AMZ1: variants seen among roughly 807,000 people sequenced by gnomAD.
AMZ1 encodes archaelysin family metallopeptidase 1.
AMZ1 carries 39 observed loss-of-function variants against 29.9 expected under a neutral mutation model. The ratio of observed to expected loss-of-function variants is 1.30; its 90% CI spans 1.01 to 1.70. AMZ1 has a LOEUF of 1.70. Ranked by LOEUF, AMZ1 falls within the 40% of genes most tolerant of loss-of-function variation. AMZ1 has a pLI of 0.00. For synonymous variants in AMZ1, 458 were observed against 304.0 expected (o/e 1.51, Z -5.27); for missense variants, 1,041 against 680.6 (o/e 1.53, Z -5.89).
Position 2,709,257 on chromosome 7 carries a change from T to A in AMZ1, c.771+13T>A. ...TCAGTGCTGCAAGGTGGGTGGGGGCTCTGGGGCTGGTAAGAGGGGACAGGA... is the reference window on the plus strand; with the variant it reads ...TCAGTGCTGCAAGGTGGGTGGGGGCACTGGGGCTGGTAAGAGGGGACAGGA... On this transcript the variant is annotated intron_variant, in intron 5 of 6. Coordinates refer to ENST00000683327, the MANE Select transcript of AMZ1 (RefSeq NM_001384743.1). The A allele has an allele frequency of 6.7e-7, 1 of 1,488,222 alleles. No individual in the cohort carries two copies. Among genetic ancestry groups the A allele is most frequent in the Non-Finnish European group, 8.9e-7 (1 of 1,123,064 alleles). 92.2% of individuals were successfully genotyped at this position (1,488,222 alleles called of 1,614,324 possible).
chr7:2,689,373 G>A (rs543556471), intron 1 of AMZ1, among the ~76,000 whole-genome samples: 15 of 152,074 alleles, frequency 9.9e-5, no homozygotes, highest in Non-Finnish European at 1.6e-4. Context: ...ACCTCCCTGG[G>A]GGGGGGATGC....
chr7:2,747,268 T>C (rs1790812364), intron 4 of AMZ1, among the ~76,000 whole-genome samples: 1 of 152,166 alleles, frequency 6.6e-6, no homozygotes. Flanking sequence ...GCAAAAATCC[T>C]CAATAAAATA....
In AMZ1 at chr7:2,717,304, G is replaced by A. The variant is rs1028572208; in HGVS notation, c.*4426G>A. ...ACGGAGAGAATCAGGGCTTCGCGAC[G>A]GGGCTCATAGACCTGAACTGGGTCT... is the stretch of plus-strand genomic sequence containing the variant. On this transcript the variant is annotated 3_prime_UTR_variant, in exon 7 of 7. Transcript: ENST00000683327. 3.3e-5 allele frequency among the ~76,000 whole-genome samples: 5 copies of A among 152,152 alleles called. No homozygotes were observed. Among genetic ancestry groups the A allele is most frequent in the Non-Finnish European group, 5.9e-5 (4 of 68,046 alleles).
chr7:2,733,536 G>A, intron 4 of AMZ1: 3 of 1,534,534 alleles, frequency 2.0e-6, no homozygotes, highest in Non-Finnish European at 2.7e-6. Context: ...AGCTCAGTCT[G>A]GACTGAGGAA....
chr7:2,753,778 A>G (rs1300814218), intron 4 of AMZ1, among the ~76,000 whole-genome samples: 2 of 151,932 alleles, frequency 1.3e-5, no homozygotes, highest in African/African-American at 4.8e-5. Flanking sequence ...TTAATGCTGA[A>G]TTTACTCCTG....
chr7:2,709,268 TA>T (rs1363259777), intron 5 of AMZ1, 24 bp downstream of exon 5: 8 of 1,482,048 alleles, frequency 5.4e-6, no homozygotes, highest in Non-Finnish European at 7.1e-6. Flanking sequence ...CTGGGGCTGG[TA>T]AGAGGGGACA....
chr7:2,709,709 G>A lies in AMZ1; in HGVS notation c.841G>A (p.Gly281Ser), dbSNP rs754534970. 5.6e-6 allele frequency: 9 copies of A among 1,611,158 alleles called. No homozygotes were observed. The Admixed American group carries it at 1.3e-4, about 24-fold the overall frequency. ...NCRWLRCLMQ[G>S]ALSLDEALRR... is the part of the protein sequence containing the mutation. ...CCGCTGGCTCCGCTGCCTCATGCAG[G>A]GTGCGCTCAGCCTGGACGAGGCCCT... Residue 281 changes from glycine to serine, a missense_variant, in exon 6 of 7, where the codon GGT becomes AGT. Physicochemically the swap from Gly to Ser is moderately conservative, Grantham distance 56 (BLOSUM62 0). Coordinates refer to ENST00000683327, the MANE Select transcript of AMZ1 (RefSeq NM_001384743.1).
intron 3 of AMZ1, among the ~76,000 whole-genome samples, chr7:2,708,077 C>A (rs781166759): frequency 6.6e-6 from 1 of 151,976 alleles, no homozygotes; most frequent in African/African-American, 2.4e-5. Context: ...CCCATCTTGG[C>A]CTCCCGAGTT....
intron 1 of AMZ1, among the ~76,000 whole-genome samples, chr7:2,680,799 C>T (rs991768459): frequency 2.6e-5 from 4 of 152,248 alleles, no homozygotes; most frequent in African/African-American, 9.6e-5. Flanking sequence ...TCCCAGGGCA[C>T]GACCCTGATG....
At chr7:2,723,907 T>G (rs546974009), downstream of AMZ1, among the ~76,000 whole-genome samples, 1 of 152,162 alleles carries the variant, frequency 6.6e-6, no homozygotes, top group African/African-American at 2.4e-5. Context: ...TCGACTGGAC[T>G]TCTGGCCAGA....
Position 2,718,346 on chromosome 7 carries a change from C to T in AMZ1, c.*5468C>T, listed in dbSNP as rs536239909. On this transcript the variant is annotated 3_prime_UTR_variant, in exon 7 of 7. Transcript: ENST00000683327. ...TTTTCTGGATACAGCATGACTGAAC[C>T]GCCCCTTCTCAGCAAAGGCCAACAC... 1.8e-4 allele frequency among the ~76,000 whole-genome samples: 28 copies of T among 152,298 alleles called. No individual in the cohort carries two copies. The highest frequency in any genetic ancestry group is 9.1e-4 in the Admixed American group (14 of 15,304).
chr7:2,738,661 C>T (rs1790336314), intron 4 of AMZ1, among the ~76,000 whole-genome samples: 1 of 151,706 alleles, frequency 6.6e-6, no homozygotes, highest in Non-Finnish European at 1.5e-5. Flanking sequence ...CAGGAGTAGC[C>T]CTCTCTGAGT....
intron 4 of AMZ1, among the ~76,000 whole-genome samples, chr7:2,727,757 T>G (rs750401088): frequency 6.6e-6 from 1 of 151,942 alleles, no homozygotes; most frequent in Non-Finnish European, 1.5e-5. Context: ...CAAATAACAT[T>G]AGGATTAGAG....
rs539403807 is a variant in AMZ1, at chr7:2,716,767, A to AG, written c.*3893dup. 2.6e-4 allele frequency among the ~76,000 whole-genome samples: 39 copies of AG among 152,326 alleles called. No individual in the cohort carries two copies. The East Asian group carries it at 7.3e-3, about 29-fold the overall frequency. On this transcript the variant is annotated 3_prime_UTR_variant, in exon 7 of 7. Transcript: ENST00000683327. ...GTGGGTCAGTCAACTCCACCGCTTA[A>AG]GGGGTCCTTCCTATGTAACGGAATT...
intron 4 of AMZ1, among the ~76,000 whole-genome samples, chr7:2,749,282 C>A (rs1790911224): frequency 1.3e-5 from 2 of 152,114 alleles, no homozygotes; most frequent in East Asian, 3.8e-4. Flanking sequence ...CAATGATAGA[C>A]TGGATTAAGA....
chr7:2,697,892 G>A (rs1314854999), intron 1 of AMZ1, among the ~76,000 whole-genome samples: 1 of 152,114 alleles, frequency 6.6e-6, no homozygotes, highest in Non-Finnish European at 1.5e-5. Context: ...TGGAAATTCA[G>A]TACCAGCCCC....
At chr7:2,682,635 T>A (rs974771361) in intron 1 of AMZ1, among the ~76,000 whole-genome samples, 2 of 152,118 alleles carry the variant, frequency 1.3e-5, no homozygotes, top group African/African-American at 4.8e-5. Flanking sequence ...GGACGTCACC[T>A]ACTGCACCCA....
At chr7:2,710,677 G>A (rs1299642218) in intron 6 of AMZ1, among the ~76,000 whole-genome samples, 2 of 152,216 alleles carry the variant, frequency 1.3e-5, no homozygotes, top group Non-Finnish European at 2.9e-5. Context: ...CTCTCTGCAG[G>A]GATCCTCTCT....
chr7:2,692,704 C>T (rs1012804452), intron 1 of AMZ1, among the ~76,000 whole-genome samples: 27 of 152,272 alleles, frequency 1.8e-4, no homozygotes, highest in African/African-American at 6.5e-4. Context: ...TGCCTCCACA[C>T]GCTGACACCT....
Sources: gnomAD v4.1 joint callset for allele counts (sites outside exome capture counted in the v4.1 genomes callset) on GRCh38, gnomAD v4.1.1 for gene constraint, MANE v1.5 for transcripts, NCBI Gene and HGNC (gene_info 2026-07-23, HGNC 2026-07-21) for gene names.